RORA: variants seen among roughly 807,000 people sequenced by gnomAD.
RORA encodes nuclear receptor ROR-alpha.
A neutral mutation model predicts 69.5 loss-of-function variants in RORA; 7 were observed. The ratio of observed to expected loss-of-function variants is 0.10; its 90% CI spans 0.06 to 0.19. The LOEUF is 0.19. RORA is among the 10% of genes least tolerant of loss of function. The pLI is 1.00. For missense variants in RORA, 457 were observed against 663.0 expected, an observed-to-expected ratio of 0.69 and a Z score of 3.41; for synonymous variants, 261 against 240.8, an observed-to-expected ratio of 1.08 and a Z score of -0.78.
At chr15:61,107,487 C>T (rs1315584273) in intron 1 of RORA, among the ~76,000 whole-genome samples, 1 of 152,114 alleles carries the variant, frequency 6.6e-6, no homozygotes, top group Non-Finnish European at 1.5e-5. Flanking sequence ...TTAAATCAGA[C>T]ATCCTTGAGA....
At chr15:60,778,231 G>C (rs1354031685) in intron 1 of RORA, among the ~76,000 whole-genome samples, 1 of 151,152 alleles carries the variant, frequency 6.6e-6, no homozygotes, top group African/African-American at 2.5e-5. Context: ...GTTTTTGTTT[G>C]TTTGTTTGTT....
chr15:61,028,596 G>T (rs1475515903), intron 1 of RORA, among the ~76,000 whole-genome samples: 1 of 152,144 alleles, frequency 6.6e-6, no homozygotes, highest in Admixed American at 6.6e-5. Context: ...AAGTAGAATT[G>T]CAACCATGAC....
intron 1 of RORA, among the ~76,000 whole-genome samples, chr15:61,077,191 G>T (rs2078464386): frequency 2.7e-5 from 4 of 150,356 alleles, no homozygotes; most frequent in Admixed American, 2.0e-4. Context: ...TACCAGGTGT[G>T]ATCAAGGGGG....
chr15:60,769,296 A>G (rs2072036990), intron 1 of RORA, among the ~76,000 whole-genome samples: 2 of 152,220 alleles, frequency 1.3e-5, no homozygotes, highest in African/African-American at 4.8e-5. Context: ...TGCAAATATA[A>G]TATGAAGCAG....
At chr15:61,097,327 G>A (rs1230533164) in intron 1 of RORA, among the ~76,000 whole-genome samples, 1 of 152,152 alleles carries the variant, frequency 6.6e-6, no homozygotes, top group African/African-American at 2.4e-5. Flanking sequence ...ATAAATAAAA[G>A]GAATTGCTAC....
intron 3 of RORA, among the ~76,000 whole-genome samples, chr15:60,522,838 G>A (rs983972627): frequency 5.3e-5 from 8 of 150,478 alleles, no homozygotes; most frequent in African/African-American, 9.8e-5. Flanking sequence ...TTGGGAGGCC[G>A]AGGTGGGCAG....
chr15:61,229,190 G>C lies in RORA; in HGVS notation c.29C>G (p.Pro10Arg), dbSNP rs777359557. 7.7e-6 allele frequency: 12 copies of C among 1,554,248 alleles called. No homozygotes were observed. Among genetic ancestry groups the C allele is most frequent in the Admixed American group, 1.9e-5 (1 of 52,960 alleles). The change falls in exon 1 of 11, where the codon CCC becomes CGC. Residue 10 changes from proline (P) to arginine (R), a missense_variant. Physicochemically the swap from Pro to Arg is moderately radical, Grantham distance 103. This residue lies in a region of RORA where 119 missense variants were observed against 92.4 expected (regional missense o/e 1.29). Transcript: ENST00000335670. MESAPAAPD[P>R]AASEPGSSGA... ...GCTGCTGCCTGGCTCGCTGGCGGCG[G>C]GGTCGGGGGCTGCCGGAGCTGACTC...
At position 60,497,159 on chromosome 15, in the gene RORA, C is replaced by A; in HGVS notation, c.*296G>T. 1 of 245,244 alleles carries A rather than the reference C, an allele frequency of 4.1e-6. No individual in the cohort carries two copies. Among genetic ancestry groups the A allele is most frequent in the Non-Finnish European group, 7.8e-6 (1 of 127,402 alleles). The allele number at this position is 245,244 out of a possible 1,614,324, so 15.2% of individuals were successfully genotyped here. ...GCAGTGAGCTACAAGAAAAGGAAAT[C>A]CTCCGACTTTAGTACCCTCCTCCTG... On this transcript the variant is annotated 3_prime_UTR_variant, in exon 11 of 11. Coordinates refer to ENST00000335670, the MANE Select transcript of RORA (RefSeq NM_134261.3).
chr15:60,765,759 A>C (rs1008223551), intron 1 of RORA: 1 of 152,066 alleles, frequency 6.6e-6, no homozygotes. Context: ...AAAATGTAAG[A>C]TCTTCAGATT....
chr15:60,515,137 A>G (rs1307903863), intron 3 of RORA, among the ~76,000 whole-genome samples: 2 of 152,218 alleles, frequency 1.3e-5, no homozygotes, highest in African/African-American at 4.8e-5. Context: ...AATAAATACA[A>G]AACACTTCCC....
intron 2 of RORA, among the ~76,000 whole-genome samples, chr15:60,605,470 A>T (rs1386210761): frequency 6.6e-6 from 1 of 152,238 alleles, no homozygotes; most frequent in East Asian, 1.9e-4. Context: ...CATACAACTA[A>T]GGCTAACAAC....
chr15:60,757,182 C>T (rs2071815362), intron 1 of RORA, among the ~76,000 whole-genome samples: 1 of 152,018 alleles, frequency 6.6e-6, no homozygotes, highest in South Asian at 2.1e-4. Context: ...TTATATCTGC[C>T]CTTGCCCTTA....
At chr15:61,094,212 C>T (rs560901282) in intron 1 of RORA, among the ~76,000 whole-genome samples, 1 of 152,138 alleles carries the variant, frequency 6.6e-6, no homozygotes, top group African/African-American at 2.4e-5. Context: ...ATGAGATTTC[C>T]ATAGATTCCA....
At chr15:61,077,803 A>G (rs1281643333) in intron 1 of RORA, among the ~76,000 whole-genome samples, 1 of 152,108 alleles carries the variant, frequency 6.6e-6, no homozygotes, top group Non-Finnish European at 1.5e-5. Flanking sequence ...CTTCCCTTAG[A>G]TGTTTTTTCA....
chr15:61,177,133 A>G (rs2079636143), intron 1 of RORA, among the ~76,000 whole-genome samples: 1 of 152,232 alleles, frequency 6.6e-6, no homozygotes, highest in Non-Finnish European at 1.5e-5. Flanking sequence ...CGATGGAAGG[A>G]GTTCTGATGT....
chr15:60,837,445 G>C (rs552768197), intron 1 of RORA, among the ~76,000 whole-genome samples: 68 of 152,268 alleles, frequency 4.5e-4, no homozygotes, highest in African/African-American at 1.4e-3. Context: ...CAATCAATGC[G>C]CACGCAGCAC....
chr15:61,032,892 G>A (rs935867657), intron 1 of RORA, among the ~76,000 whole-genome samples: 5 of 152,110 alleles, frequency 3.3e-5, no homozygotes, highest in Admixed American at 1.3e-4. Context: ...TATTACATGC[G>A]TATACATTTA....
intron 1 of RORA, among the ~76,000 whole-genome samples, 166 bp from the exon 2 acceptor site, chr15:60,678,852 G>T (rs1438821728): frequency 6.6e-6 from 1 of 152,154 alleles, no homozygotes; most frequent in Non-Finnish European, 1.5e-5. Flanking sequence ...TACCCCAAAG[G>T]CATGCAACCG....
chr15:60,935,963 T>C (rs1892507962), intron 1 of RORA, among the ~76,000 whole-genome samples: 1 of 152,206 alleles, frequency 6.6e-6, no homozygotes, highest in Non-Finnish European at 1.5e-5. Context: ...TCTCTTTGAG[T>C]TGGGCAAACT....
Sources: allele counts gnomAD v4.1 joint callset (sites outside exome capture counted in the v4.1 genomes callset), GRCh38; gene constraint gnomAD v4.1.1; regional missense constraint gnomAD v4.1.1; transcripts MANE v1.5; gene names NCBI Gene and HGNC (gene_info 2026-07-23, HGNC 2026-07-21).